XPO6: variants seen among roughly 807,000 people sequenced by gnomAD.
XPO6 encodes exportin-6.
XPO6 carries 3 observed loss-of-function variants against 130.0 expected under a neutral mutation model. The ratio of observed to expected loss-of-function variants is 0.02; its 90% CI spans 0.01 to 0.06. The LOEUF (loss-of-function observed/expected upper bound fraction) is 0.06. XPO6 is among the 10% of genes least tolerant of loss of function. The pLI is 1.00. For synonymous variants in XPO6, 524 were observed against 548.9 expected (o/e 0.95, Z 0.63); for missense variants, 970 against 1,393.0 (o/e 0.70, Z 4.83).
chr16:28,156,369 G>C lies in XPO6; in HGVS notation c.802C>G (p.Pro268Ala), dbSNP rs747339363. The C allele has an allele frequency of 6.2e-7, 1 of 1,614,076 alleles. No homozygotes were observed. The highest frequency in any genetic ancestry group is 8.5e-7 in the Non-Finnish European group (1 of 1,180,024). The change falls in exon 7 of 24, where the codon CCA (proline) becomes GCA (alanine). Residue 268 changes from proline to alanine, a missense_variant. By Grantham distance (27) the Pro-to-Ala change is conservative. Transcript: ENST00000304658. ...SWIPLSASIT[P>A]SLLTTIFHFA... ...TGGAAGATGGTGGTAAGGAGGGATG[G>C]GGTGATGCTGGCAGACAGAGGAATC...
At chr16:28,176,249 C>A (rs2043531872) in intron 3 of XPO6, among the ~76,000 whole-genome samples, 154 bp from the exon 4 acceptor site, 1 of 152,106 alleles carries the variant, frequency 6.6e-6, no homozygotes, top group Non-Finnish European at 1.5e-5. Context: ...TAAAAGTATT[C>A]AAATCTTAGG....
chr16:28,166,496 G>A lies in XPO6; in HGVS notation c.643+12C>T, dbSNP rs752180244. Reference sequence around the variant, plus strand: ...AAAAAGAAGAATGCCTTGGCTGGCAGGCAGACCATACCACTTTCTCCTGAG... The same window carrying A: ...AAAAAGAAGAATGCCTTGGCTGGCAAGCAGACCATACCACTTTCTCCTGAG... On this transcript the variant is annotated intron_variant, in intron 6 of 23. Transcript: ENST00000304658. The A allele has an allele frequency of 2.5e-6, 4 of 1,577,002 alleles. No individual in the cohort carries two copies. Among genetic ancestry groups the A allele is most frequent in the Non-Finnish European group, 1.7e-6 (2 of 1,159,610 alleles).
At chr16:28,161,009 G>C (rs1301394221) in intron 6 of XPO6, among the ~76,000 whole-genome samples, 1 of 152,148 alleles carries the variant, frequency 6.6e-6, no homozygotes, top group Non-Finnish European at 1.5e-5. Context: ...TCACTCTTTT[G>C]CAATAGATTG....
At chr16:28,205,068 T>A (rs755280803) in intron 1 of XPO6, among the ~76,000 whole-genome samples, 11 of 151,896 alleles carry the variant, frequency 7.2e-5, no homozygotes, top group Non-Finnish European at 1.5e-4. Flanking sequence ...TGTCTAAAAT[T>A]AATGAGCAAA....
In XPO6 at chr16:28,101,510, C is replaced by A; in HGVS notation, c.3224G>T (p.Gly1075Val). 1 of 1,614,250 alleles carries A rather than the reference C, an allele frequency of 6.2e-7. No individual in the cohort carries two copies. The highest frequency in any genetic ancestry group is 8.5e-7 in the Non-Finnish European group (1 of 1,180,048). The change falls in exon 23 of 24, where the codon GGT becomes GTT. Residue 1075 changes from glycine (G) to valine (V), a missense_variant. By Grantham distance (109) the Gly-to-Val change is moderately radical. Coordinates refer to ENST00000304658, the MANE Select transcript of XPO6 (RefSeq NM_015171.4). The surrounding 1 kb of genome is among the most constrained non-coding windows in gnomAD (Gnocchi z 5.4). ...FLPEFLTSCD[G>V]VDANQKSVLG... ...CACACTTTTCTGGTTGGCATCCACA[C>A]CATCACAGCTGGTCAGGAACTCTGG...
At chr16:28,118,327 CA>C (rs1191652545) in intron 14 of XPO6, among the ~76,000 whole-genome samples, 1 of 152,180 alleles carries the variant, frequency 6.6e-6, no homozygotes, top group Non-Finnish European at 1.5e-5. Context: ...TCCCTCCTCT[CA>C]TCCTTATTTT....
intron 4 of XPO6, among the ~76,000 whole-genome samples, chr16:28,174,150 T>C (rs1350774487): frequency 2.0e-5 from 3 of 152,166 alleles, no homozygotes; most frequent in Non-Finnish European, 4.4e-5. Context: ...GCCAGGGAAG[T>C]GTCTCCCACC....
At chr16:28,143,267 C>T (rs74014211) in intron 9 of XPO6, among the ~76,000 whole-genome samples, 8,140 of 152,214 alleles carry the variant, frequency 0.053, 560 homozygotes, top group East Asian at 0.17. Flanking sequence ...CCACCTAACG[C>T]TACAGTCACA....
intron 4 of XPO6, among the ~76,000 whole-genome samples, chr16:28,172,359 G>A (rs972807641): frequency 1.3e-5 from 2 of 152,120 alleles, no homozygotes; most frequent in Non-Finnish European, 2.9e-5. Context: ...GGTTTCTAGC[G>A]TGAACTTCTG....
intron 4 of XPO6, among the ~76,000 whole-genome samples, chr16:28,174,043 T>A: frequency 6.6e-6 from 1 of 152,042 alleles, no homozygotes; most frequent in Non-Finnish European, 1.5e-5. Flanking sequence ...CTTTCCTGTC[T>A]CCAGTGGGCT....
At chr16:28,211,057 G>T (rs938498944) in intron 1 of XPO6, among the ~76,000 whole-genome samples, 1 of 152,200 alleles carries the variant, frequency 6.6e-6, no homozygotes, top group Non-Finnish European at 1.5e-5. Context: ...CTTCGCGCAG[G>T]GCCTTGGCAA....
intron 23 of XPO6, among the ~76,000 whole-genome samples, chr16:28,099,588 A>G (rs1318189221): frequency 6.6e-6 from 1 of 152,230 alleles, no homozygotes; most frequent in Admixed American, 6.5e-5. Flanking sequence ...AAGTTCTGTG[A>G]ACTGCTCACC....
At chr16:28,149,203 G>A (rs186281003) in intron 8 of XPO6, among the ~76,000 whole-genome samples, 18 of 152,174 alleles carry the variant, frequency 1.2e-4, no homozygotes, top group South Asian at 8.3e-4. Flanking sequence ...TGGTGAGGAC[G>A]CACTAAGCTT....
chr16:28,125,315 C>T (rs535948497), intron 13 of XPO6, among the ~76,000 whole-genome samples: 61 of 152,340 alleles, frequency 4.0e-4, no homozygotes, highest in Non-Finnish European at 6.6e-4. Flanking sequence ...TGAGGAAAGA[C>T]ATGAAGACTG....
chr16:28,131,790 A>G (rs2042675007), intron 12 of XPO6, among the ~76,000 whole-genome samples: 1 of 152,254 alleles, frequency 6.6e-6, no homozygotes, highest in South Asian at 2.1e-4. Context: ...AATGGAAGCT[A>G]TTACTATTAT....
At chr16:28,202,747 G>C (rs1416489298) in intron 1 of XPO6, among the ~76,000 whole-genome samples, 1 of 152,208 alleles carries the variant, frequency 6.6e-6, no homozygotes, top group African/African-American at 2.4e-5. Flanking sequence ...CAGCTGGTGA[G>C]GGTTTAGTTT....
intron 3 of XPO6, among the ~76,000 whole-genome samples, chr16:28,176,885 G>C (rs914706340): frequency 6.6e-6 from 1 of 151,994 alleles, no homozygotes; most frequent in Non-Finnish European, 1.5e-5. Context: ...TTTTGTTGTT[G>C]GGGATGATGG....
At chr16:28,182,266 G>A (rs1159706242) in intron 1 of XPO6, among the ~76,000 whole-genome samples, 1 of 152,130 alleles carries the variant, frequency 6.6e-6, no homozygotes, top group Non-Finnish European at 1.5e-5. Context: ...AGCGGCCTCC[G>A]TCGGGTGATT....
chr16:28,104,477 G>A lies in XPO6; in HGVS notation c.2946+69C>T, dbSNP rs547739987. 1.3e-5 allele frequency: 20 copies of A among 1,570,866 alleles called. No homozygotes were observed. In the South Asian group the frequency reaches 2.0e-4, roughly 16 times the overall value. ...TTCAGACCCGAGACTGTGGGGCTTC[G>A]AAGACAGGACTCGCTGCAGTGGTCA... On this transcript the variant is annotated intron_variant, in intron 21 of 23. Coordinates refer to ENST00000304658, the MANE Select transcript of XPO6 (RefSeq NM_015171.4).
Sources: allele counts gnomAD v4.1 joint callset (sites outside exome capture counted in the v4.1 genomes callset), GRCh38; gene constraint gnomAD v4.1.1; non-coding constraint Gnocchi (gnomAD v3.1); transcripts MANE v1.5; gene names NCBI Gene and HGNC (gene_info 2026-07-23, HGNC 2026-07-21).